ULBP1: variants seen among roughly 807,000 people sequenced by gnomAD.
ULBP1 encodes the protein UL16 binding protein 1, also known as UL16-binding protein 1.
In ULBP1, 28 loss-of-function variants were observed where a neutral mutation model predicts 25.3. That is an observed-to-expected ratio of 1.10 (90% CI 0.82 to 1.51). The LOEUF (loss-of-function observed/expected upper bound fraction) is 1.51. Among genes scored for constraint, ULBP1 ranks in the 40% most tolerant of loss-of-function variants. The pLI, the probability that ULBP1 is intolerant of heterozygous loss-of-function variation, is 0.00. For synonymous variants in ULBP1, 129 were observed against 103.0 expected (o/e 1.25, Z -1.53); for missense variants, 348 against 290.9 (o/e 1.20, Z -1.43).
At chr6:149,968,482 G>A in intron 1 of ULBP1, 125 bp from the exon 2 acceptor site, 1 of 1,287,366 alleles carries the variant, frequency 7.8e-7, no homozygotes, top group Non-Finnish European at 1.1e-6. Flanking sequence ...TCCTGGCTGG[G>A]GCATGTCTTG....
At chr6:149,968,521 T>A in intron 1 of ULBP1, 86 bp from the exon 2 acceptor site, 1 of 1,516,382 alleles carries the variant, frequency 6.6e-7, no homozygotes. Flanking sequence ...TCAGAGGCCT[T>A]CACTTGCAGT....
At chr6:149,971,044 T>A (rs577753193) in intron 4 of ULBP1, among the ~76,000 whole-genome samples, 3 of 152,228 alleles carry the variant, frequency 2.0e-5, no homozygotes, top group African/African-American at 7.2e-5. Flanking sequence ...TAGAAAGAGC[T>A]CTCTTTGGAC....
In ULBP1 at chr6:149,969,916, G is replaced by T. The variant is rs964437562; in HGVS notation, c.626-100G>T. On this transcript the variant is annotated intron_variant, in intron 3 of 4. Transcript: ENST00000229708. ...GCCCCACAGCAGAGGGGGACAAAAGGTCTGCCTTCCAGGATGACCTGGGGT... is the reference window on the plus strand; with the variant it reads ...GCCCCACAGCAGAGGGGGACAAAAGTTCTGCCTTCCAGGATGACCTGGGGT... The T allele has an allele frequency of 2.7e-6, 4 of 1,471,088 alleles. No individual in the cohort carries two copies. The African/African-American group carries it at 5.6e-5, about 21-fold the overall frequency. The allele number at this position is 1,471,088 out of a possible 1,614,324, so 91.1% of individuals were successfully genotyped here.
Position 149,970,535 on chromosome 6 carries a change from A to G in ULBP1, c.*22+388A>G, listed in dbSNP as rs188574101. ...GCATGGCCACTTCACCAAGGATGTC[A>G]AGGGAAGGGGTGTCCCTGGAGGAGG... On this transcript the variant is annotated intron_variant, in intron 4 of 4. Transcript: ENST00000229708. Among the ~76,000 whole-genome samples the G allele has an allele frequency of 8.7e-3, 1,329 of 152,302 alleles. 47 individuals are homozygous for G. Among genetic ancestry groups the G allele is most frequent in the East Asian group, 0.082 (425 of 5,168 alleles).
Position 149,968,786 on chromosome 6 carries a change from G to A in ULBP1, c.265G>A (p.Glu89Lys), listed in dbSNP as rs748053766. The A allele has an allele frequency of 2.2e-5, 36 of 1,613,950 alleles. No homozygotes were observed. The highest frequency in any genetic ancestry group is 5.0e-5 in the Admixed American group (3 of 60,010). ...KKVNVTKTWE[E>K]QTETLRDVVD... Reference sequence around the variant, plus strand: ...AGTCAATGTCACAAAAACCTGGGAAGAACAAACTGAAACACTAAGAGACGT... The same window carrying A: ...AGTCAATGTCACAAAAACCTGGGAAAAACAAACTGAAACACTAAGAGACGT... Residue 89 changes from glutamate to lysine, a missense_variant, in exon 2 of 5, where the codon GAA (glutamate) becomes AAA (lysine). By Grantham distance (56) the Glu-to-Lys change is moderately conservative. Coordinates refer to ENST00000229708, the MANE Select transcript of ULBP1 (RefSeq NM_025218.4).
intron 3 of ULBP1, 28 bp from the exon 4 acceptor site, chr6:149,969,988 G>C: frequency 6.3e-7 from 1 of 1,594,096 alleles, no homozygotes; most frequent in Non-Finnish European, 8.5e-7. Flanking sequence ...CCTGGACAAG[G>C]GTTGTCACTC....
At chr6:149,967,290 T>C (rs1779220304) in intron 1 of ULBP1, among the ~76,000 whole-genome samples, 1 of 152,252 alleles carries the variant, frequency 6.6e-6, no homozygotes, top group South Asian at 2.1e-4. Flanking sequence ...ACACTGTGTC[T>C]ACTAGGAGTG....
chr6:149,965,295 G>A (rs62441829), intron 1 of ULBP1, among the ~76,000 whole-genome samples: 3 of 119,930 alleles, frequency 2.5e-5, no homozygotes, highest in South Asian at 2.4e-4. Context: ...AGAACATCGC[G>A]GTCTCCCCGA....
Position 149,964,053 on chromosome 6 carries a change from G to A in ULBP1, c.4G>A (p.Ala2Thr), listed in dbSNP as rs1412207930. The change falls in exon 1 of 5, where the codon GCA becomes ACA. Residue 2 changes from alanine (A) to threonine (T), a missense_variant. Ala to Thr is a moderately conservative substitution (Grantham distance 58). Coordinates refer to ENST00000229708, the MANE Select transcript of ULBP1 (RefSeq NM_025218.4). Reference protein sequence around the residue: MAAAASPAFLLC... With the variant: MTAAASPAFLLC... ...TCCACGGAGCTCCAGGTCTACAATGGCAGCGGCCGCCAGCCCCGCGTTCCT... is the reference window on the plus strand; with the variant it reads ...TCCACGGAGCTCCAGGTCTACAATGACAGCGGCCGCCAGCCCCGCGTTCCT... 6.2e-7 allele frequency: 1 copy of A among 1,613,854 alleles called. No individual in the cohort carries two copies. Among genetic ancestry groups the A allele is most frequent in the Middle Eastern group, 1.7e-4 (1 of 6,060 alleles).
At position 149,968,840 on chromosome 6, in the gene ULBP1, G is replaced by T; in HGVS notation, c.319G>T (p.Asp107Tyr). Residue 107 changes from aspartate to tyrosine, a missense_variant, in exon 2 of 5, where the codon GAC becomes TAC. By Grantham distance (160) the Asp-to-Tyr change is radical. Transcript: ENST00000229708. ...GGATTTCCTTAAAGGGCAACTGCTT[G>T]ACATTCAAGTGGAGAATTTAATACC... ...VVDFLKGQLL[D>Y]IQVENLIPIE... The T allele has an allele frequency of 6.2e-7, 1 of 1,614,166 alleles. No individual in the cohort carries two copies. Among genetic ancestry groups the T allele is most frequent in the Non-Finnish European group, 8.5e-7 (1 of 1,180,028 alleles).
In ULBP1 at chr6:149,972,247, G is replaced by A. The variant is rs1381267031; in HGVS notation, c.*901G>A. The A allele has an allele frequency of 6.6e-6, 1 of 152,080 alleles. No homozygotes were observed. The highest frequency in any genetic ancestry group is 1.5e-5 in the Non-Finnish European group (1 of 68,030). 9.4% of individuals were successfully genotyped at this position (152,080 alleles called of 1,614,324 possible). Reference sequence around the variant, plus strand: ...GCCATCTAATCTTCAATAGAAATGGGCAATGTGGGAAAGACTCCCTATTCG... The same window carrying A: ...GCCATCTAATCTTCAATAGAAATGGACAATGTGGGAAAGACTCCCTATTCG... On this transcript the variant is annotated 3_prime_UTR_variant, in exon 5 of 5. Coordinates refer to ENST00000229708, the MANE Select transcript of ULBP1 (RefSeq NM_025218.4).
In ULBP1 at chr6:149,964,250, G is replaced by T. The variant is rs1454570645; in HGVS notation, c.85+116G>T. 9.1e-6 allele frequency: 10 copies of T among 1,094,828 alleles called. No homozygotes were observed. In the East Asian group the frequency reaches 3.0e-4, roughly 33 times the overall value. 67.8% of individuals were successfully genotyped at this position (1,094,828 alleles called of 1,614,324 possible). ...AAGGACCGGCGCGATCTCCCTGAAC[G>T]AACATCGCGGTCTCCCCGAACGTCG... is the stretch of plus-strand genomic sequence containing the variant. On this transcript the variant is annotated intron_variant, in intron 1 of 4. Transcript: ENST00000229708.
intron 4 of ULBP1, among the ~76,000 whole-genome samples, chr6:149,970,546 T>C (rs199674803): frequency 0.14 from 20,804 of 151,924 alleles, 2,635 homozygotes; most frequent in East Asian, 0.34. Flanking sequence ...AGGGAAGGGG[T>C]GTCCCTGGAG....
chr6:149,963,988 C>T lies in ULBP1; in HGVS notation c.-62C>T. 2 of 1,558,960 alleles carry T rather than the reference C, an allele frequency of 1.3e-6. No individual in the cohort carries two copies. Among genetic ancestry groups the T allele is most frequent in the Non-Finnish European group, 1.8e-6 (2 of 1,135,172 alleles). On this transcript the variant is annotated 5_prime_UTR_variant, in exon 1 of 5. Coordinates refer to ENST00000229708, the MANE Select transcript of ULBP1 (RefSeq NM_025218.4). ...CCGGGCTGGGCAGCTTTATAAACAG[C>T]CGTGGTGTGAGCCTCGAAGGGAACC...
Position 149,972,119 on chromosome 6 carries a change from T to G in ULBP1, c.*773T>G, listed in dbSNP as rs1779328561. ...TACAGACATGAACCACAGTGCCTGTTGTAGAAATTTTTAATTATTTAATAT... is the reference window on the plus strand; with the variant it reads ...TACAGACATGAACCACAGTGCCTGTGGTAGAAATTTTTAATTATTTAATAT... On this transcript the variant is annotated 3_prime_UTR_variant, in exon 5 of 5. Coordinates refer to ENST00000229708, the MANE Select transcript of ULBP1 (RefSeq NM_025218.4). The G allele has an allele frequency of 6.6e-6, 1 of 152,196 alleles. No individual in the cohort carries two copies. Among genetic ancestry groups the G allele is most frequent in the Admixed American group, 6.5e-5 (1 of 15,276 alleles). The allele number at this position is 152,196 out of a possible 1,614,324, so 9.4% of individuals were successfully genotyped here.
intron 1 of ULBP1, among the ~76,000 whole-genome samples, chr6:149,967,589 G>A (rs1213889780): frequency 2.0e-5 from 3 of 152,170 alleles, no homozygotes; most frequent in African/African-American, 4.8e-5. Context: ...CAGTATCCGG[G>A]TTGAGTTTCC....
intron 1 of ULBP1, among the ~76,000 whole-genome samples, chr6:149,965,377 C>A (rs565068992): frequency 5.3e-5 from 8 of 152,364 alleles, no homozygotes; most frequent in African/African-American, 1.4e-4. Context: ...TCCGCCGAGT[C>A]CGCTTCCTGC....
chr6:149,968,470 A>T (rs1271922152), intron 1 of ULBP1, 137 bp from the exon 2 acceptor site: 26 of 1,185,100 alleles, frequency 2.2e-5, no homozygotes, highest in Non-Finnish European at 2.9e-5. Context: ...TTTTCATGAC[A>T]GTCCTGGCTG....
chr6:149,968,235 C>T (rs1446569550), intron 1 of ULBP1, among the ~76,000 whole-genome samples: 1 of 152,220 alleles, frequency 6.6e-6, no homozygotes, highest in Non-Finnish European at 1.5e-5. Context: ...AGCTCCCACA[C>T]ACTCTCCCAC....
Sources: allele counts gnomAD v4.1 joint callset (sites outside exome capture counted in the v4.1 genomes callset), GRCh38; gene constraint gnomAD v4.1.1; transcripts MANE v1.5; gene names NCBI Gene and HGNC (gene_info 2026-07-23, HGNC 2026-07-21).